DLGAP1: variants seen among roughly 807,000 people sequenced by gnomAD.
The protein encoded by DLGAP1 is disks large-associated protein 1.
DLGAP1 carries 11 observed loss-of-function variants against 90.8 expected under a neutral mutation model. That is an observed-to-expected ratio of 0.12 (90% CI 0.08 to 0.20). The LOEUF is 0.20. Ranked by LOEUF, DLGAP1 falls within the 10% of genes least tolerant of loss-of-function variation. The probability of loss-of-function intolerance (pLI) is 1.00; values close to 1 mark genes in which losing one functional copy is unlikely to be tolerated. For synonymous variants in DLGAP1, 558 were observed against 540.7 expected (o/e 1.03, Z -0.44); for missense variants, 1,050 against 1,333.8 (o/e 0.79, Z 3.31).
chr18:3,554,640 G>A (rs1159298950), intron 9 of DLGAP1, among the ~76,000 whole-genome samples: 3 of 152,152 alleles, frequency 2.0e-5, no homozygotes, highest in Non-Finnish European at 2.9e-5. Context: ...TATTTGTGAT[G>A]CTCCATTTCA....
chr18:3,879,352 G>A lies in DLGAP1; in HGVS notation c.717C>T (p.Ala239=). Residue 239 remains alanine, a synonymous_variant, in exon 4 of 13, where the codon GCC becomes GCT. Coordinates refer to ENST00000315677, the MANE Select transcript of DLGAP1 (RefSeq NM_004746.4). This position sits in a 1 kb window ranked among gnomAD's most constrained non-coding sequence, Gnocchi z 6.6. ...CCGCCTGCTCGCTGATGGTGTTGTA[G>A]GCCTCCAGGAAGTACTGTGAGGCCG... ...DRSASQYFLE[A]YNTISEQAVK... 1.9e-6 allele frequency: 3 copies of A among 1,612,438 alleles called. No homozygotes were observed. The highest frequency in any genetic ancestry group is 2.5e-6 in the Non-Finnish European group (3 of 1,179,252).
At chr18:4,359,678 G>A (rs1006863076) in intron 1 of DLGAP1, among the ~76,000 whole-genome samples, 2 of 152,162 alleles carry the variant, frequency 1.3e-5, no homozygotes, top group African/African-American at 4.8e-5. Flanking sequence ...CCCTCTGCAC[G>A]AGACTACTAT....
At chr18:4,405,646 A>C (rs901100301) in intron 1 of DLGAP1, among the ~76,000 whole-genome samples, 3 of 152,012 alleles carry the variant, frequency 2.0e-5, no homozygotes, top group Non-Finnish European at 4.4e-5. Flanking sequence ...GACATTTTAC[A>C]CTCTTACACT....
chr18:3,521,702 G>A lies in DLGAP1; in HGVS notation c.2479+12492C>T, dbSNP rs372533519. On this transcript the variant is annotated intron_variant, in intron 10 of 12. Coordinates refer to ENST00000315677, the MANE Select transcript of DLGAP1 (RefSeq NM_004746.4). Reference sequence around the variant, plus strand: ...GCCTTTTCCTCATTCTTTTCAACATGTTCTGTTAATATGTCAGATTTCCGA... The same window carrying A: ...GCCTTTTCCTCATTCTTTTCAACATATTCTGTTAATATGTCAGATTTCCGA... Among the ~76,000 whole-genome samples the A allele has an allele frequency of 2.0e-5, 3 of 152,178 alleles. No individual in the cohort carries two copies. The East Asian group carries it at 5.8e-4, about 29-fold the overall frequency.
At chr18:4,313,562 G>A (rs1164435685) in intron 1 of DLGAP1, among the ~76,000 whole-genome samples, 1 of 152,174 alleles carries the variant, frequency 6.6e-6, no homozygotes, top group Non-Finnish European at 1.5e-5. Flanking sequence ...GGGTGAAAAT[G>A]AGCTGTAAAG....
intron 7 of DLGAP1, among the ~76,000 whole-genome samples, chr18:3,717,393 G>A (rs1331361931): frequency 6.6e-6 from 1 of 152,148 alleles, no homozygotes; most frequent in Non-Finnish European, 1.5e-5. Flanking sequence ...CGGGGCTTTG[G>A]ACAAGAAAGT....
intron 5 of DLGAP1, among the ~76,000 whole-genome samples, chr18:3,802,357 C>G (rs1393037537): frequency 6.6e-6 from 1 of 152,218 alleles, no homozygotes; most frequent in Non-Finnish European, 1.5e-5. Flanking sequence ...TCCTATTGCT[C>G]ACTTTATTAA....
chr18:4,002,972 G>A (rs952253051), intron 3 of DLGAP1, among the ~76,000 whole-genome samples: 6 of 152,104 alleles, frequency 3.9e-5, no homozygotes, highest in Admixed American at 3.9e-4. Flanking sequence ...GCTGATACAA[G>A]GCCAGTTGAA....
intron 4 of DLGAP1, chr18:3,874,798 C>T: frequency 7.3e-7 from 1 of 1,372,114 alleles, no homozygotes; most frequent in African/African-American, 1.5e-5. Context: ...TTAAAAATAA[C>T]AATATTGGAA....
intron 2 of DLGAP1, among the ~76,000 whole-genome samples, chr18:4,129,767 G>A (rs937370026): frequency 6.6e-6 from 1 of 152,080 alleles, no homozygotes; most frequent in African/African-American, 2.4e-5. Flanking sequence ...TGCCATGAAC[G>A]GACTCTGATT....
intron 1 of DLGAP1, among the ~76,000 whole-genome samples, chr18:4,387,924 CACACATA>C (rs2082265814): frequency 8.8e-6 from 1 of 113,722 alleles, no homozygotes; most frequent in Non-Finnish European, 1.8e-5. Context: ...GAGACTCCAT[CACACATA>C]CACACACACA....
chr18:4,094,789 G>A (rs926129725), intron 2 of DLGAP1, among the ~76,000 whole-genome samples: 2 of 151,646 alleles, frequency 1.3e-5, no homozygotes, highest in African/African-American at 2.4e-5. Context: ...GTAGAGATGC[G>A]GTTTCATCAT....
chr18:3,631,147 A>ATT (rs796807690), intron 7 of DLGAP1, among the ~76,000 whole-genome samples: 3 of 142,100 alleles, frequency 2.1e-5, no homozygotes, highest in East Asian at 2.0e-4. Flanking sequence ...CGCCCAGTTA[A>ATT]TTTTTTTTTT....
At chr18:3,920,574 C>T (rs1489561520) in intron 3 of DLGAP1, among the ~76,000 whole-genome samples, 1 of 152,006 alleles carries the variant, frequency 6.6e-6, no homozygotes, top group African/African-American at 2.4e-5. Flanking sequence ...TAATTTTTCC[C>T]CAATAGCTAG....
chr18:4,362,521 G>A (rs927695073), intron 1 of DLGAP1, among the ~76,000 whole-genome samples: 14 of 152,278 alleles, frequency 9.2e-5, no homozygotes, highest in South Asian at 6.2e-4. Context: ...TGTACTTAGC[G>A]TATTCAAAAT....
At chr18:3,795,235 GAC>G (rs964295910) in intron 5 of DLGAP1, among the ~76,000 whole-genome samples, 13 of 152,246 alleles carry the variant, frequency 8.5e-5, no homozygotes, top group Middle Eastern at 3.4e-3. Flanking sequence ...CCTTGAAACA[GAC>G]ACAGAGATTT....
chr18:3,705,318 T>TC (rs971976884), intron 7 of DLGAP1, among the ~76,000 whole-genome samples: 1 of 151,722 alleles, frequency 6.6e-6, no homozygotes, highest in African/African-American at 2.4e-5. Context: ...TTTTTTTTTT[T>TC]CCAGGAAACT....
chr18:3,549,861 A>G (rs566327618), intron 9 of DLGAP1, among the ~76,000 whole-genome samples: 315 of 152,270 alleles, frequency 2.1e-3, no homozygotes, highest in Middle Eastern at 3.4e-3. Context: ...GTATCTTAGT[A>G]TGTGACTGTA....
At chr18:3,523,721 C>T (rs1362221814) in intron 10 of DLGAP1, among the ~76,000 whole-genome samples, 1 of 151,980 alleles carries the variant, frequency 6.6e-6, no homozygotes. Context: ...GTGGCGTGCG[C>T]CCGTAGTCCC....
Sources: gnomAD v4.1 joint callset for allele counts (sites outside exome capture counted in the v4.1 genomes callset) on GRCh38, gnomAD v4.1.1 for gene constraint, Gnocchi (gnomAD v3.1) non-coding constraint, MANE v1.5 for transcripts, NCBI Gene and HGNC (gene_info 2026-07-23, HGNC 2026-07-21) for gene names.